PDE5A: variants seen among roughly 807,000 people sequenced by gnomAD.
PDE5A encodes phosphodiesterase 5A.
PDE5A carries 67 observed loss-of-function variants against 110.2 expected under a neutral mutation model. The observed-to-expected ratio is 0.61, with a 90% CI of 0.50 to 0.75. PDE5A has a LOEUF of 0.75. Ranked by LOEUF, PDE5A falls within the 30% of genes least tolerant of loss-of-function variation. The pLI is 0.00. For synonymous variants in PDE5A, 328 were observed against 351.2 expected (o/e 0.93, Z 0.74); for missense variants, 862 against 1,045.1 (o/e 0.82, Z 2.42).
At chr4:119,588,454 G>A (rs775089053) in intron 3 of PDE5A, among the ~76,000 whole-genome samples, 1 of 150,962 alleles carries the variant, frequency 6.6e-6, no homozygotes, top group Admixed American at 6.6e-5. Context: ...TTGGATTACA[G>A]GCGTGAGCCA....
At chr4:119,511,008 T>C in intron 15 of PDE5A, 39 bp downstream of exon 15, 2 of 1,114,674 alleles carry the variant, frequency 1.8e-6, no homozygotes, top group Non-Finnish European at 2.7e-6. Context: ...TTTATAAAGC[T>C]CTCTTTTAAA....
intron 11 of PDE5A, chr4:119,528,857 C>T (rs1246635881): frequency 1.3e-5 from 2 of 152,072 alleles, no homozygotes; most frequent in Admixed American, 1.3e-4. Flanking sequence ...CTGGTTTTCT[C>T]AGCATTTAAG....
intron 9 of PDE5A, among the ~76,000 whole-genome samples, chr4:119,545,957 G>C (rs550646107): frequency 6.6e-6 from 1 of 152,030 alleles, no homozygotes; most frequent in East Asian, 1.9e-4. Context: ...CTGTATAAAA[G>C]ATTTAATTTT....
chr4:119,553,102 A>C (rs1727416160), intron 8 of PDE5A, among the ~76,000 whole-genome samples: 1 of 152,088 alleles, frequency 6.6e-6, no homozygotes, highest in Non-Finnish European at 1.5e-5. Flanking sequence ...AAATAACAAA[A>C]TCATCCAAAT....
chr4:119,605,565 T>C (rs1729495840), intron 2 of PDE5A, among the ~76,000 whole-genome samples: 1 of 151,952 alleles, frequency 6.6e-6, no homozygotes, highest in Non-Finnish European at 1.5e-5. Context: ...GAGAATCACT[T>C]GAATCTGGGA....
At position 119,502,623 on chromosome 4, in the gene PDE5A, A is replaced by G. The variant is rs781481765; in HGVS notation, c.2364T>C (p.Asp788=). ...IAELVATEFF[D]QGDRERKELN... ...GTTCTTTTCTCTCTCTGTCTCCTTG[A>G]TCAAAAAATTCAGTTGCTACAAGTT... is the stretch of plus-strand genomic sequence containing the variant. The change falls in exon 19 of 21, where the codon GAT becomes GAC. Residue 788 remains aspartate (D), a synonymous_variant. Transcript: ENST00000354960. 9.3e-6 allele frequency: 15 copies of G among 1,608,084 alleles called. No individual in the cohort carries two copies. The highest frequency in any genetic ancestry group is 1.3e-5 in the Non-Finnish European group (15 of 1,175,078).
intron 11 of PDE5A, among the ~76,000 whole-genome samples, chr4:119,530,944 T>C (rs780147369): frequency 6.6e-6 from 1 of 152,168 alleles, no homozygotes; most frequent in Non-Finnish European, 1.5e-5. Flanking sequence ...TTCTTTCATC[T>C]GCACAACAAA....
At position 119,525,925 on chromosome 4, in the gene PDE5A, G is replaced by A. The variant is rs1207561450; in HGVS notation, c.1633-230C>T. 6.6e-6 allele frequency among the ~76,000 whole-genome samples: 1 copy of A among 152,028 alleles called. No homozygotes were observed. The highest frequency in any genetic ancestry group is 1.5e-5 in the Non-Finnish European group (1 of 68,006). On this transcript the variant is annotated intron_variant, in intron 11 of 20. Transcript: ENST00000354960. This position sits in a 1 kb window ranked among gnomAD's most constrained non-coding sequence, Gnocchi z 4.3. ...TCAAAGTAGGCTAAGTGGAGAAAAG[G>A]GAGTTGTCACCCTTAGACTGTACCT...
At position 119,530,703 on chromosome 4, in the gene PDE5A, A is replaced by G. The variant is rs1428893865; in HGVS notation, c.1633-5008T>C. Among the ~76,000 whole-genome samples, 4 of 152,118 alleles carry G rather than the reference A, an allele frequency of 2.6e-5. No homozygotes were observed. The East Asian group carries it at 7.7e-4, about 29-fold the overall frequency. On this transcript the variant is annotated intron_variant, in intron 11 of 20. Transcript: ENST00000354960. Reference sequence around the variant, plus strand: ...GCATAGAATAGGGGTTAAATATTGAATGAATAAATAAATGGGTTTTTAAAT... The same window carrying G: ...GCATAGAATAGGGGTTAAATATTGAGTGAATAAATAAATGGGTTTTTAAAT...
chr4:119,514,853 G>T (rs1424578924), intron 14 of PDE5A, among the ~76,000 whole-genome samples: 1 of 152,130 alleles, frequency 6.6e-6, no homozygotes, highest in Non-Finnish European at 1.5e-5. Context: ...AATCCCAGAA[G>T]ATAGGTATTT....
intron 15 of PDE5A, among the ~76,000 whole-genome samples, chr4:119,509,370 A>G (rs1251868668): frequency 1.3e-5 from 2 of 152,050 alleles, no homozygotes; most frequent in Non-Finnish European, 2.9e-5. Flanking sequence ...TATAGAATTG[A>G]TTGTTGAGAC....
At chr4:119,570,471 CCTTT>C (rs1728102239) in intron 3 of PDE5A, among the ~76,000 whole-genome samples, 1 of 152,130 alleles carries the variant, frequency 6.6e-6, no homozygotes, top group Admixed American at 6.6e-5. Context: ...CGCAAAAAAG[CCTTT>C]CTGTTTTCTA....
chr4:119,509,355 A>T (rs1725663652), intron 15 of PDE5A, among the ~76,000 whole-genome samples: 1 of 152,066 alleles, frequency 6.6e-6, no homozygotes, highest in African/African-American at 2.4e-5. Context: ...CCCTGCAATA[A>T]TGCATATAGA....
Position 119,535,458 on chromosome 4 carries a change from G to A in PDE5A, c.1632+3502C>T, listed in dbSNP as rs1352620026. ...CTGATCTCCTACAGAAGGCAAAAAAGGCTGTCAATCAATGAATCAAATATT... is the reference window on the plus strand; with the variant it reads ...CTGATCTCCTACAGAAGGCAAAAAAAGCTGTCAATCAATGAATCAAATATT... On this transcript the variant is annotated intron_variant, in intron 11 of 20. Coordinates refer to ENST00000354960, the MANE Select transcript of PDE5A (RefSeq NM_001083.4). Among the ~76,000 whole-genome samples, 4 of 152,058 alleles carry A rather than the reference G, an allele frequency of 2.6e-5. No homozygotes were observed. The East Asian group carries it at 7.7e-4, about 29-fold the overall frequency.
intron 7 of PDE5A, among the ~76,000 whole-genome samples, chr4:119,558,613 T>G (rs940282118): frequency 6.6e-6 from 1 of 152,314 alleles, no homozygotes. Flanking sequence ...AAACACCATT[T>G]TAAATTCAGT....
intron 11 of PDE5A, chr4:119,527,056 A>G (rs1242219168): frequency 6.6e-6 from 1 of 152,154 alleles, no homozygotes; most frequent in African/African-American, 2.4e-5. Flanking sequence ...TTTAACTCAA[A>G]GCAGATAACA....
In PDE5A at chr4:119,504,538, G is replaced by A. The variant is rs553869290; in HGVS notation, c.2329C>T (p.Arg777Trp). 1.2e-5 allele frequency: 20 copies of A among 1,609,096 alleles called. No homozygotes were observed. Among genetic ancestry groups the A allele is most frequent in the Admixed American group, 6.7e-5 (4 of 59,822 alleles). The change falls in exon 18 of 21, where the codon CGG becomes TGG. Residue 777 changes from arginine (R) to tryptophan (W), a missense_variant and splice_region_variant. Arg to Trp is a moderately radical substitution (Grantham distance 101). Coordinates refer to ENST00000354960, the MANE Select transcript of PDE5A (RefSeq NM_001083.4). ...GTTATTGTCACTAAGTAACATACCC[G>A]TTGTTGAATAGGCCAGGGTTTTGTA... is the stretch of plus-strand genomic sequence containing the variant. Reference protein sequence around the residue: ...AITKPWPIQQRIAELVATEFF... With the variant: ...AITKPWPIQQWIAELVATEFF...
At chr4:119,548,824 C>T (rs540884647) in intron 9 of PDE5A, 4 of 152,002 alleles carry the variant, frequency 2.6e-5, no homozygotes, top group African/African-American at 7.2e-5. Context: ...GTCTTATTTC[C>T]TTGTGCTCAT....
chr4:119,520,803 C>A, intron 13 of PDE5A, 132 bp downstream of exon 13: 2 of 736,458 alleles, frequency 2.7e-6, no homozygotes, highest in South Asian at 2.4e-5. Flanking sequence ...CGAAATATAA[C>A]TTATTATGTA....
Sources: gnomAD v4.1 joint callset for allele counts (sites outside exome capture counted in the v4.1 genomes callset) on GRCh38, gnomAD v4.1.1 for gene constraint, Gnocchi (gnomAD v3.1) non-coding constraint, MANE v1.5 for transcripts, NCBI Gene and HGNC (gene_info 2026-07-23, HGNC 2026-07-21) for gene names.